The following RELCH variants were observed in gnomAD, a reference collection of about 807,000 sequenced individuals.
RELCH encodes the protein RAB11 binding and LisH domain, coiled-coil and HEAT repeat containing, also known as RAB11-binding protein RELCH.
RELCH carries 41 observed loss-of-function variants against 150.3 expected under a neutral mutation model. The ratio of observed to expected loss-of-function variants is 0.27; its 90% CI spans 0.21 to 0.35. The LOEUF is 0.35. Ranked by LOEUF, RELCH falls within the 10% of genes least tolerant of loss-of-function variation. The pLI is 1.00. For missense variants in RELCH, 1,092 were observed against 1,467.8 expected (o/e 0.74, Z 4.18); for synonymous variants, 478 against 531.8 (o/e 0.90, Z 1.39).
intron 10 of RELCH, among the ~76,000 whole-genome samples, chr18:62,243,679 C>CAA (rs2148493855): frequency 6.6e-6 from 1 of 152,214 alleles, no homozygotes; most frequent in Non-Finnish European, 1.5e-5. Context: ...GAAGCATCTT[C>CAA]AAAGTGTGAA....
At chr18:62,282,902 C>A (rs1325492615) in intron 25 of RELCH, among the ~76,000 whole-genome samples, 1 of 152,172 alleles carries the variant, frequency 6.6e-6, no homozygotes, top group African/African-American at 2.4e-5. Context: ...AGGTGATCTG[C>A]CTGCCTCAGC....
chr18:62,208,967 C>T (rs771691261), intron 1 of RELCH, among the ~76,000 whole-genome samples: 13 of 152,090 alleles, frequency 8.5e-5, no homozygotes, highest in Admixed American at 6.5e-4. Context: ...TAGAGGATGC[C>T]GGAATTCCTT....
chr18:62,190,157 T>C (rs915392601), intron 1 of RELCH, among the ~76,000 whole-genome samples: 1 of 152,236 alleles, frequency 6.6e-6, no homozygotes, highest in Non-Finnish European at 1.5e-5. Flanking sequence ...CTGTTTAACA[T>C]AGTCTTATAC....
chr18:62,188,076 T>C (rs1025379096), intron 1 of RELCH, 45 bp downstream of exon 1: 1 of 1,490,544 alleles, frequency 6.7e-7, no homozygotes, highest in African/African-American at 1.4e-5. Context: ...TATTTGGGAT[T>C]GTACGGAGTT....
chr18:62,298,949 G>A (rs1600290516), intron 28 of RELCH, 89 bp downstream of exon 28: 3 of 711,914 alleles, frequency 4.2e-6, no homozygotes, highest in East Asian at 2.6e-5. Flanking sequence ...GTGTCATTTT[G>A]TGTTACGTTA....
chr18:62,231,148 A>G lies in RELCH; in HGVS notation c.1449-46A>G, dbSNP rs111791654. 1,372 of 1,205,570 alleles carry G rather than the reference A, an allele frequency of 1.1e-3. 15 individuals carry two copies. The African/African-American group carries it at 0.018, about 16-fold the overall frequency. The allele number at this position is 1,205,570 out of a possible 1,614,324, so 74.7% of individuals were successfully genotyped here. On this transcript the variant is annotated intron_variant, in intron 8 of 28. Transcript: ENST00000644646. ...AACTTAAATTTCTCCTTAAATGTCA[A>G]TGGTAATTATTTGATATTGTCTCTT...
At chr18:62,209,647 CA>C (rs35985070) in intron 1 of RELCH, among the ~76,000 whole-genome samples, 47 of 145,008 alleles carry the variant, frequency 3.2e-4, no homozygotes, top group South Asian at 6.4e-4. Context: ...TCAATTTCTG[CA>C]AAAAAAAAAA....
intron 10 of RELCH, among the ~76,000 whole-genome samples, chr18:62,241,217 G>A (rs569433386): frequency 2.0e-5 from 3 of 152,188 alleles, no homozygotes; most frequent in South Asian, 4.1e-4. Context: ...TTCCTACTTT[G>A]TCTAATAAAT....
chr18:62,210,134 CATT>C (rs1338327857), intron 1 of RELCH, among the ~76,000 whole-genome samples: 1 of 152,148 alleles, frequency 6.6e-6, no homozygotes, highest in African/African-American at 2.4e-5. Context: ...TCATTCACAT[CATT>C]GTTTCCCTCT....
intron 2 of RELCH, chr18:62,220,787 C>A: frequency 2.1e-6 from 1 of 485,474 alleles, no homozygotes; most frequent in Non-Finnish European, 3.6e-6. Flanking sequence ...AGAGCTATTC[C>A]TTGTCAGACA....
At chr18:62,200,195 A>G (rs1344222506) in intron 1 of RELCH, among the ~76,000 whole-genome samples, 1 of 152,194 alleles carries the variant, frequency 6.6e-6, no homozygotes, top group East Asian at 1.9e-4. Context: ...CTTGAATTCT[A>G]CTTCTGGCTT....
chr18:62,227,602 C>G lies in RELCH; in HGVS notation c.1067C>G (p.Ser356Cys). Residue 356 changes from serine to cysteine, a missense_variant, in exon 7 of 29, where the codon TCC becomes TGC. Coordinates refer to ENST00000644646, the MANE Select transcript of RELCH (RefSeq NM_001346231.2). ...TTTCTCCTGTTTTGATTTTAGAACT[C>G]CATGTTAGTACAGAAATTAGAAGAT... The part of the protein sequence containing the change: ...TLETPQPAEN[S>C]MLVQKLEDKI... The G allele has an allele frequency of 6.5e-7, 1 of 1,539,384 alleles. No individual in the cohort carries two copies. The highest frequency in any genetic ancestry group is 8.9e-7 in the Non-Finnish European group (1 of 1,121,628).
intron 2 of RELCH, among the ~76,000 whole-genome samples, chr18:62,214,023 G>GT (rs372211104): frequency 0.012 from 1,780 of 147,924 alleles, 26 homozygotes; most frequent in African/African-American, 0.041. Flanking sequence ...GTTTTGGCCT[G>GT]TTTTTTTTTT....
chr18:62,267,523 C>CAT (rs150777941), intron 19 of RELCH, among the ~76,000 whole-genome samples: 11,024 of 125,538 alleles, frequency 0.088, 578 homozygotes, highest in Middle Eastern at 0.17. Flanking sequence ...TGTGTGTATA[C>CAT]ATATATATAT....
intron 20 of RELCH, chr18:62,269,262 C>T (rs886388422): frequency 1.2e-5 from 3 of 253,392 alleles, no homozygotes; most frequent in South Asian, 8.5e-5. Context: ...AGAACACATA[C>T]GTTAGGTGAA....
chr18:62,251,312 G>A (rs765460943), intron 11 of RELCH, among the ~76,000 whole-genome samples: 1 of 152,212 alleles, frequency 6.6e-6, no homozygotes. Flanking sequence ...AGAAGGGTTT[G>A]CTTTTAATCT....
At chr18:62,200,503 G>A (rs11662963) in intron 1 of RELCH, among the ~76,000 whole-genome samples, 21,655 of 151,508 alleles carry the variant, frequency 0.14, 1,829 homozygotes, top group African/African-American at 0.24. Flanking sequence ...GAGGAATTGA[G>A]GATCAGGAAA....
Position 62,190,909 on chromosome 18 carries a change from C to A in RELCH, c.526+2878C>A, listed in dbSNP as rs189567410. Among the ~76,000 whole-genome samples, 341 of 152,288 alleles carry A rather than the reference C, an allele frequency of 2.2e-3. 4 individuals carry two copies. The highest frequency in any genetic ancestry group is 7.9e-3 in the African/African-American group (327 of 41,550). On this transcript the variant is annotated intron_variant, in intron 1 of 28. Coordinates refer to ENST00000644646, the MANE Select transcript of RELCH (RefSeq NM_001346231.2). ...CCAGGGAAGGGGAGGGCATAATTGC[C>A]CCAGTTGAGAACTACGTCTTTAGAT... is the stretch of plus-strand genomic sequence containing the variant.
intron 20 of RELCH, 105 bp downstream of exon 20, chr18:62,269,053 C>T (rs2043747608): frequency 2.1e-6 from 1 of 478,364 alleles, no homozygotes; most frequent in Non-Finnish European, 3.7e-6. Context: ...TAAAGAAAAA[C>T]AATTTACTTA....
Sources: gnomAD v4.1 joint callset for allele counts (sites outside exome capture counted in the v4.1 genomes callset) on GRCh38, gnomAD v4.1.1 for gene constraint, MANE v1.5 for transcripts, NCBI Gene and HGNC (gene_info 2026-07-23, HGNC 2026-07-21) for gene names.